ADCY8: variants seen among roughly 807,000 people sequenced by gnomAD.
The protein encoded by ADCY8 is adenylate cyclase 8, also known as adenylate cyclase type 8.
ADCY8 carries 51 observed loss-of-function variants against 119.7 expected under a neutral mutation model. The observed-to-expected ratio is 0.43, with a 90% CI of 0.34 to 0.54. The LOEUF (loss-of-function observed/expected upper bound fraction) is 0.54, where lower values mean the gene tolerates loss of function less well. Among genes scored for constraint, ADCY8 ranks in the 20% least tolerant of loss-of-function variants. ADCY8 has a pLI of 0.03. For missense variants in ADCY8, 1,383 were observed against 1,598.8 expected (o/e 0.87, Z 2.30); for synonymous variants, 665 against 651.0 (o/e 1.02, Z -0.33).
chr8:130,842,877 A>AG (rs1817189778), intron 11 of ADCY8, among the ~76,000 whole-genome samples: 1 of 151,612 alleles, frequency 6.6e-6, no homozygotes, highest in Non-Finnish European at 1.5e-5. Context: ...GTCTCAAAAA[A>AG]AAAAAAAAAA....
In ADCY8 at chr8:130,989,796, C is replaced by T. The variant is rs1822518838; in HGVS notation, c.1110+597G>A. Among the ~76,000 whole-genome samples, 3 of 152,138 alleles carry T rather than the reference C, an allele frequency of 2.0e-5. No homozygotes were observed. In the South Asian group the frequency reaches 6.2e-4, roughly 32 times the overall value. On this transcript the variant is annotated intron_variant, in intron 2 of 17. Coordinates refer to ENST00000286355, the MANE Select transcript of ADCY8 (RefSeq NM_001115.3). ...CTTTTAAGTTCTTATAACATCCACC[C>T]AATCAGGATGTCCAAAAAATTCTTT...
At chr8:130,985,831 G>A (rs1439699520) in intron 2 of ADCY8, among the ~76,000 whole-genome samples, 3 of 152,132 alleles carry the variant, frequency 2.0e-5, no homozygotes, top group Non-Finnish European at 4.4e-5. Context: ...AGATATTTAA[G>A]TTTAACAGAA....
Position 130,990,426 on chromosome 8 carries a change from G to A in ADCY8, c.1077C>T (p.Ala359=). The A allele has an allele frequency of 1.9e-6, 3 of 1,614,176 alleles. No homozygotes were observed. The highest frequency in any genetic ancestry group is 2.2e-5 in the East Asian group (1 of 44,870). Residue 359 remains alanine, a synonymous_variant, in exon 2 of 18, where the codon GCC becomes GCT. Coordinates refer to ENST00000286355, the MANE Select transcript of ADCY8 (RefSeq NM_001115.3). Reference sequence around the variant, plus strand: ...GGTTCTCTGTCTCCAGGCGCAGCCTGGCCTCCACACACCTCCGAGTCTCCA... The same window carrying A: ...GGTTCTCTGTCTCCAGGCGCAGCCTAGCCTCCACACACCTCCGAGTCTCCA... ...AFLETRRCVE[A]RLRLETENQR...
chr8:130,833,001 AT>A (rs1816884113), intron 12 of ADCY8, among the ~76,000 whole-genome samples: 1 of 152,130 alleles, frequency 6.6e-6, no homozygotes, highest in Non-Finnish European at 1.5e-5. Flanking sequence ...TAAATTGTAG[AT>A]GGTTTTACTT....
intron 4 of ADCY8, among the ~76,000 whole-genome samples, chr8:130,941,583 T>C (rs1474683997): frequency 6.6e-6 from 1 of 152,138 alleles, no homozygotes; most frequent in East Asian, 1.9e-4. Context: ...ATACATGTTT[T>C]CCCCCAGTCC....
At chr8:130,916,728 A>G (rs7816914) in intron 5 of ADCY8, among the ~76,000 whole-genome samples, 109,685 of 152,258 alleles carry the variant, frequency 0.72, 40,234 homozygotes, top group African/African-American at 0.86. Context: ...CCTTAAGGGC[A>G]TGTTCCTGCT....
chr8:131,027,641 G>C (rs1823862614), intron 1 of ADCY8, among the ~76,000 whole-genome samples: 1 of 152,138 alleles, frequency 6.6e-6, no homozygotes, highest in South Asian at 2.1e-4. Context: ...TTACTTGTTG[G>C]GGTTGGGCTG....
chr8:130,867,991 C>T (rs1374796871), intron 8 of ADCY8, 45 bp from the exon 9 acceptor site: 2 of 1,358,684 alleles, frequency 1.5e-6, no homozygotes, highest in Admixed American at 3.6e-5. Context: ...CAGCAGAGTG[C>T]AGTGTTTGAG....
intron 17 of ADCY8, among the ~76,000 whole-genome samples, chr8:130,781,913 T>C (rs925660210): frequency 4.6e-5 from 7 of 152,078 alleles, no homozygotes; most frequent in Non-Finnish European, 1.0e-4. Context: ...GTCCTAGGCA[T>C]TGGGGATGTG....
At chr8:130,798,292 A>T (rs1815650845) in intron 15 of ADCY8, among the ~76,000 whole-genome samples, 2 of 152,152 alleles carry the variant, frequency 1.3e-5, no homozygotes, top group African/African-American at 4.8e-5. Flanking sequence ...GACAACATTT[A>T]CCTGGATAGA....
chr8:131,035,560 G>C, intron 1 of ADCY8, among the ~76,000 whole-genome samples: 1 of 152,106 alleles, frequency 6.6e-6, no homozygotes, highest in East Asian at 1.9e-4. Context: ...ACAGGGCTTT[G>C]TCTCTTCATA....
At chr8:130,877,952 T>A (rs2130436086) in intron 8 of ADCY8, among the ~76,000 whole-genome samples, 1 of 152,282 alleles carries the variant, frequency 6.6e-6, no homozygotes, top group East Asian at 1.9e-4. Flanking sequence ...ATGAGATTTA[T>A]CTTAAAGAGG....
chr8:130,854,521 A>C (rs994673247), intron 9 of ADCY8, among the ~76,000 whole-genome samples: 2 of 152,226 alleles, frequency 1.3e-5, no homozygotes, highest in Admixed American at 6.5e-5. Context: ...ACACTTTAGA[A>C]TCTACAGACT....
intron 2 of ADCY8, among the ~76,000 whole-genome samples, chr8:130,954,737 G>A (rs992382934): frequency 1.6e-4 from 24 of 152,246 alleles, no homozygotes; most frequent in African/African-American, 5.3e-4. Context: ...ATCATAAATA[G>A]CAAAGAATTG....
In ADCY8 at chr8:130,884,632, C is replaced by CT; in HGVS notation, c.2040_2041insA (p.Asp681ArgfsTer2). ...TTGATATGCTCTCTTCTCAATTTAT[C>CT]GCCACTCCGCAAGTCGATGGTATGT... On this transcript the variant is annotated frameshift_variant, in exon 8 of 18. Coordinates refer to ENST00000286355, the MANE Select transcript of ADCY8 (RefSeq NM_001115.3). LOFTEE classifies it high-confidence loss of function. The CT allele has an allele frequency of 6.2e-7, 1 of 1,613,834 alleles. No homozygotes were observed. Among genetic ancestry groups the CT allele is most frequent in the Non-Finnish European group, 8.5e-7 (1 of 1,179,840 alleles).
At chr8:130,886,198 C>T (rs1818976082) in intron 7 of ADCY8, among the ~76,000 whole-genome samples, 1 of 152,136 alleles carries the variant, frequency 6.6e-6, no homozygotes, top group Admixed American at 6.6e-5. Context: ...CTAGACTTTA[C>T]TGAAACCCTC....
At chr8:130,787,141 C>A (rs968745436) in intron 15 of ADCY8, among the ~76,000 whole-genome samples, 5 of 152,088 alleles carry the variant, frequency 3.3e-5, no homozygotes, top group African/African-American at 1.2e-4. Context: ...GACAATGGGT[C>A]TCTATGCTAA....
chr8:131,002,832 A>G (rs901927710), intron 1 of ADCY8, among the ~76,000 whole-genome samples: 1 of 152,202 alleles, frequency 6.6e-6, no homozygotes, highest in Non-Finnish European at 1.5e-5. Context: ...GTCATTTCAA[A>G]TGATAACAGA....
chr8:130,865,352 T>G (rs752794048), intron 9 of ADCY8, among the ~76,000 whole-genome samples: 3 of 152,014 alleles, frequency 2.0e-5, no homozygotes, highest in Non-Finnish European at 4.4e-5. Context: ...TTTTAAAATT[T>G]TTATTTATTT....
Sources: gnomAD v4.1 joint callset for allele counts (sites outside exome capture counted in the v4.1 genomes callset) on GRCh38, gnomAD v4.1.1 for gene constraint, MANE v1.5 for transcripts, NCBI Gene and HGNC (gene_info 2026-07-23, HGNC 2026-07-21) for gene names.